PSMC5: variants seen among roughly 807,000 people sequenced by gnomAD.
PSMC5 encodes proteasome 26S subunit, ATPase 5.
A neutral mutation model predicts 49.1 loss-of-function variants in PSMC5; 11 were observed. That is an observed-to-expected ratio of 0.22 (90% confidence interval 0.14 to 0.37). PSMC5 has a LOEUF of 0.37. PSMC5 is among the 10% of genes least tolerant of loss of function. The pLI, the probability that PSMC5 is intolerant of heterozygous loss-of-function variation, is 1.00. For missense variants in PSMC5, 229 were observed against 520.9 expected (o/e 0.44, Z 5.45); for synonymous variants, 206 against 192.2 (o/e 1.07, Z -0.59).
Position 63,830,624 on chromosome 17 carries a change from C to G in PSMC5, c.552+123C>G. The G allele has an allele frequency of 1.3e-6, 2 of 1,492,722 alleles. No homozygotes were observed. The highest frequency in any genetic ancestry group is 8.9e-7 in the Non-Finnish European group (1 of 1,119,610). 92.5% of individuals were successfully genotyped at this position (1,492,722 alleles called of 1,614,324 possible). A position where few individuals can be genotyped will look rare whatever the true frequency, so the allele number is the denominator to read the frequency against. The stretch of plus-strand genomic sequence containing the variant: ...GCATCTTGCTTGGGCTGGCCCTCCC[C>G]CTGAAAAGAGTGGCTGGGGAAGTGT... On this transcript the variant is annotated intron_variant, in intron 6 of 11. Coordinates refer to ENST00000310144, the MANE Select transcript of PSMC5 (RefSeq NM_002805.6). This position sits in a 1 kb window ranked among gnomAD's most constrained non-coding sequence, Gnocchi z 4.0.
At position 63,830,509 on chromosome 17, in the gene PSMC5, G is replaced by A. The variant is rs2040169364; in HGVS notation, c.552+8G>A. ...GGCATTGCTCAGCCCAAGGTGAGGA[G>A]CAGGGCTTCTCTGAGAGGGCCAAGC... On this transcript the variant is annotated splice_region_variant and intron_variant, in intron 6 of 11. Coordinates refer to ENST00000310144, the MANE Select transcript of PSMC5 (RefSeq NM_002805.6). This position sits in a 1 kb window ranked among gnomAD's most constrained non-coding sequence, Gnocchi z 4.0. The A allele has an allele frequency of 6.2e-7, 1 of 1,613,406 alleles. No homozygotes were observed. The highest frequency in any genetic ancestry group is 1.3e-5 in the African/African-American group (1 of 74,904).
chr17:63,827,858 C>T, intron 1 of PSMC5: 1 of 1,431,208 alleles, frequency 7.0e-7, no homozygotes, highest in Non-Finnish European at 9.1e-7. Flanking sequence ...TAGAGCACTT[C>T]ACGCAGTGCA....
In PSMC5 at chr17:63,831,463, G is replaced by A. The variant is rs201656458; in HGVS notation, c.969+38G>A. 1.9e-6 allele frequency: 3 copies of A among 1,612,746 alleles called. No individual in the cohort carries two copies. The highest frequency in any genetic ancestry group is 2.2e-5 in the East Asian group (1 of 44,874). Reference sequence around the variant, plus strand: ...CACTGTGCAAAGTGGCTCTGGCTGTGGGGGTGGGGTGTGGGGCTCAGGCTT... The same window carrying A: ...CACTGTGCAAAGTGGCTCTGGCTGTAGGGGTGGGGTGTGGGGCTCAGGCTT... On this transcript the variant is annotated intron_variant, in intron 9 of 11. Transcript: ENST00000310144. This position sits in a 1 kb window ranked among gnomAD's most constrained non-coding sequence, Gnocchi z 6.3.
Position 63,830,162 on chromosome 17 carries a change from C to T in PSMC5, c.294C>T (p.Asp98=), listed in dbSNP as rs747581046. The change falls in exon 5 of 12, where the codon GAC becomes GAT. Residue 98 remains aspartate, a synonymous_variant. Transcript: ENST00000310144. This position sits in a 1 kb window ranked among gnomAD's most constrained non-coding sequence, Gnocchi z 4.0. Reference sequence around the variant, plus strand: ...ATCCTGAAGGTAAATTTGTTGTAGACGTGGACAAAAACATTGACATCAATG... The same window carrying T: ...ATCCTGAAGGTAAATTTGTTGTAGATGTGGACAAAAACATTGACATCAATG... ...KVHPEGKFVV[D]VDKNIDINDV... is the part of the protein sequence containing the mutation. The T allele has an allele frequency of 8.1e-6, 13 of 1,613,982 alleles. No homozygotes were observed. The highest frequency in any genetic ancestry group is 1.7e-5 in the Admixed American group (1 of 59,996).
Position 63,830,979 on chromosome 17 carries a change from G to C in PSMC5, c.679+44G>C, listed in dbSNP as rs764709621. ...GTGAGAAGCAAGAGGTAGGGGTAGG[G>C]GGTTAGAGAGCTAATAAGCTAATAA... On this transcript the variant is annotated intron_variant, in intron 7 of 11. Coordinates refer to ENST00000310144, the MANE Select transcript of PSMC5 (RefSeq NM_002805.6). The surrounding 1 kb of genome is among the most constrained non-coding windows in gnomAD (Gnocchi z 4.0). 4 of 1,612,590 alleles carry C rather than the reference G, an allele frequency of 2.5e-6. No individual in the cohort carries two copies. In the Admixed American group the frequency reaches 5.0e-5, roughly 20 times the overall value.
In PSMC5 at chr17:63,831,973, G is replaced by A. The variant is rs376370493; in HGVS notation, c.*4G>A. The stretch of plus-strand genomic sequence containing the variant: ...CATCAAGAAATTATGGAAGTGAGTG[G>A]ACAGCCTTTGTGTGTATCTCTCCAA... On this transcript the variant is annotated 3_prime_UTR_variant, in exon 12 of 12. Coordinates refer to ENST00000310144, the MANE Select transcript of PSMC5 (RefSeq NM_002805.6). This position sits in a 1 kb window ranked among gnomAD's most constrained non-coding sequence, Gnocchi z 6.3. 3.2e-5 allele frequency: 52 copies of A among 1,613,056 alleles called. No individual in the cohort carries two copies. The highest frequency in any genetic ancestry group is 4.2e-5 in the Non-Finnish European group (50 of 1,179,156).
chr17:63,831,465 G>C lies in PSMC5; in HGVS notation c.969+40G>C. 6.2e-7 allele frequency: 1 copy of C among 1,612,844 alleles called. No individual in the cohort carries two copies. The highest frequency in any genetic ancestry group is 8.5e-7 in the Non-Finnish European group (1 of 1,178,884). Reference sequence around the variant, plus strand: ...CTGTGCAAAGTGGCTCTGGCTGTGGGGGTGGGGTGTGGGGCTCAGGCTTTT... The same window carrying C: ...CTGTGCAAAGTGGCTCTGGCTGTGGCGGTGGGGTGTGGGGCTCAGGCTTTT... On this transcript the variant is annotated intron_variant, in intron 9 of 11. Transcript: ENST00000310144. The surrounding 1 kb of genome is among the most constrained non-coding windows in gnomAD (Gnocchi z 6.3).
In PSMC5 at chr17:63,831,575, A is replaced by G. The variant is rs1446133552; in HGVS notation, c.1039A>G (p.Ile347Val). The change falls in exon 10 of 12, where the codon ATT (isoleucine) becomes GTT (valine). Residue 347 changes from isoleucine (I) to valine (V), a missense_variant. By Grantham distance (29) the Ile-to-Val change is conservative. This residue lies in a region of PSMC5 where 121 missense variants were observed against 330.6 expected (regional missense o/e 0.37). Transcript: ENST00000310144. The surrounding 1 kb of genome is among the most constrained non-coding windows in gnomAD (Gnocchi z 6.3). ...GACCCGGGGGATCAACCTGAGAAAA[A>G]TTGCTGAGCTCATGCCAGGAGCATC... is the stretch of plus-strand genomic sequence containing the variant. The part of the protein sequence containing the change: ...NLTRGINLRK[I>V]AELMPGASGA... 6.2e-7 allele frequency: 1 copy of G among 1,614,016 alleles called. No individual in the cohort carries two copies. Among genetic ancestry groups the G allele is most frequent in the Non-Finnish European group, 8.5e-7 (1 of 1,180,038 alleles).
Position 63,827,448 on chromosome 17 carries a change from C to T in PSMC5, c.-43C>T, listed in dbSNP as rs2040120913. ...AATCCTCCGCTTCCGCGCTTGCGCG[C>T]CAAGACGGCTCGGATGCCGGCGGTC... On this transcript the variant is annotated 5_prime_UTR_variant, in exon 1 of 12. Coordinates refer to ENST00000310144, the MANE Select transcript of PSMC5 (RefSeq NM_002805.6). 6 of 1,551,642 alleles carry T rather than the reference C, an allele frequency of 3.9e-6. No individual in the cohort carries two copies. The highest frequency in any genetic ancestry group is 5.2e-6 in the Non-Finnish European group (6 of 1,147,014).
Position 63,831,450 on chromosome 17 carries a change from T to C in PSMC5, c.969+25T>C. On this transcript the variant is annotated intron_variant, in intron 9 of 11. Transcript: ENST00000310144. This position sits in a 1 kb window ranked among gnomAD's most constrained non-coding sequence, Gnocchi z 6.3. ...GGTTTGTGATGGACACTGTGCAAAGTGGCTCTGGCTGTGGGGGTGGGGTGT... is the reference window on the plus strand; with the variant it reads ...GGTTTGTGATGGACACTGTGCAAAGCGGCTCTGGCTGTGGGGGTGGGGTGT... 6.2e-7 allele frequency: 1 copy of C among 1,613,062 alleles called. No individual in the cohort carries two copies. Among genetic ancestry groups the C allele is most frequent in the Non-Finnish European group, 8.5e-7 (1 of 1,179,078 alleles).
Position 63,830,025 on chromosome 17 carries a change from C to G in PSMC5, c.264+76C>G. 6.4e-7 allele frequency: 1 copy of G among 1,563,106 alleles called. No individual in the cohort carries two copies. The highest frequency in any genetic ancestry group is 1.2e-5 in the South Asian group (1 of 83,446). Reference sequence around the variant, plus strand: ...CCCCTTTGTGTGTAGCCTCGGGAGACAGGGTTCTGTGTTCTGTCAAGGTAT... The same window carrying G: ...CCCCTTTGTGTGTAGCCTCGGGAGAGAGGGTTCTGTGTTCTGTCAAGGTAT... On this transcript the variant is annotated intron_variant, in intron 4 of 11. Coordinates refer to ENST00000310144, the MANE Select transcript of PSMC5 (RefSeq NM_002805.6). The surrounding 1 kb of genome is among the most constrained non-coding windows in gnomAD (Gnocchi z 4.0).
rs761398851 is a variant in PSMC5, at chr17:63,828,248, A to G, written c.96+39A>G. On this transcript the variant is annotated intron_variant, in intron 2 of 11. Coordinates refer to ENST00000310144, the MANE Select transcript of PSMC5 (RefSeq NM_002805.6). ...CCAGAGGGAGCTAGGAAGGGTGATG[A>G]TGGGGGATGGAAACGGACTTCCACA... 5.0e-6 allele frequency: 8 copies of G among 1,593,138 alleles called. No homozygotes were observed. The African/African-American group carries it at 5.4e-5, about 11-fold the overall frequency.
rs762229493 is a variant in PSMC5 at position 63,831,232 on chromosome 17, G to T, written c.870+6G>T. The T allele has an allele frequency of 2.5e-6, 4 of 1,592,200 alleles. No individual in the cohort carries two copies. Among genetic ancestry groups the T allele is most frequent in the Non-Finnish European group, 2.6e-6 (3 of 1,166,948 alleles). ...AGGCCACCAAGAACATCAAGGTAAG[G>T]TGGTAGCATCCTTGGGATGGGCCCA... On this transcript the variant is annotated splice_donor_region_variant and intron_variant, in intron 8 of 11. Transcript: ENST00000310144. This position sits in a 1 kb window ranked among gnomAD's most constrained non-coding sequence, Gnocchi z 6.3.
chr17:63,827,680 C>T, intron 1 of PSMC5, 166 bp downstream of exon 1: 2 of 1,467,180 alleles, frequency 1.4e-6, no homozygotes, highest in Non-Finnish European at 1.8e-6. Flanking sequence ...TCAGCGCCGC[C>T]CTCGGTGAGT....
intron 2 of PSMC5, 168 bp from the exon 3 acceptor site, chr17:63,829,326 T>TG (rs1163355492): frequency 1.6e-6 from 1 of 635,294 alleles, no homozygotes; most frequent in African/African-American, 1.8e-5. Context: ...GAGGGACTCT[T>TG]GAAGGACAGG....
At position 63,830,049 on chromosome 17, in the gene PSMC5, A is replaced by G; in HGVS notation, c.265-84A>G. 6.4e-7 allele frequency: 1 copy of G among 1,571,334 alleles called. No homozygotes were observed. Among genetic ancestry groups the G allele is most frequent in the Non-Finnish European group, 8.7e-7 (1 of 1,153,614 alleles). On this transcript the variant is annotated intron_variant, in intron 4 of 11. Coordinates refer to ENST00000310144, the MANE Select transcript of PSMC5 (RefSeq NM_002805.6). The surrounding 1 kb of genome is among the most constrained non-coding windows in gnomAD (Gnocchi z 4.0). ...ACAGGGTTCTGTGTTCTGTCAAGGT[A>G]TTGTGGGATTCTCATAGGTCTTCCT...
chr17:63,831,922 C>G lies in PSMC5; in HGVS notation c.1174C>G (p.Gln392Glu). 6.2e-7 allele frequency: 1 copy of G among 1,613,972 alleles called. No homozygotes were observed. The highest frequency in any genetic ancestry group is 8.5e-7 in the Non-Finnish European group (1 of 1,179,832). Residue 392 changes from glutamine (Q) to glutamate (E), a missense_variant, in exon 12 of 12, where the codon CAG becomes GAG. Coordinates refer to ENST00000310144, the MANE Select transcript of PSMC5 (RefSeq NM_002805.6). The surrounding 1 kb of genome is among the most constrained non-coding windows in gnomAD (Gnocchi z 6.3). ...DFEMAVAKVM[Q>E]KDSEKNMSIK... ...TTCTCTCTCCCACCCCTAGGTCATG[C>G]AGAAGGACAGTGAGAAAAACATGTC...
chr17:63,828,896 G>A (rs569933711), intron 2 of PSMC5: 2 of 154,574 alleles, frequency 1.3e-5, no homozygotes, highest in South Asian at 4.0e-4. Context: ...CCCCTGCGTT[G>A]TTCAAGTGTC....
Position 63,831,071 on chromosome 17 carries a change from C to T in PSMC5, c.715C>T (p.Arg239Trp). ...GGTGAGGGAGCTGTTTGTCATGGCA[C>T]GGGAACATGCTCCATCTATCATCTT... is the stretch of plus-strand genomic sequence containing the variant. The part of the protein sequence containing the change: ...RMVRELFVMA[R>W]EHAPSIIFMD... Residue 239 changes from arginine to tryptophan, a missense_variant, in exon 8 of 12, where the codon CGG becomes TGG. Physicochemically the swap from Arg to Trp is moderately radical, Grantham distance 101. Transcript: ENST00000310144. The surrounding 1 kb of genome is among the most constrained non-coding windows in gnomAD (Gnocchi z 6.3). The T allele has an allele frequency of 3.2e-6, 5 of 1,567,046 alleles. No homozygotes were observed. Among genetic ancestry groups the T allele is most frequent in the Non-Finnish European group, 4.3e-6 (5 of 1,155,752 alleles).
Sources: allele counts gnomAD v4.1 joint callset, GRCh38; gene constraint gnomAD v4.1.1; regional missense constraint gnomAD v4.1.1; non-coding constraint Gnocchi (gnomAD v3.1); transcripts MANE v1.5; gene names NCBI Gene and HGNC (gene_info 2026-07-23, HGNC 2026-07-21).